MNT: variants seen among roughly 807,000 people sequenced by gnomAD.
The protein encoded by MNT is MAX network transcriptional repressor.
In MNT, 13 loss-of-function variants were observed where a neutral mutation model predicts 40.7. The ratio of observed to expected loss-of-function variants is 0.32; its 90% CI spans 0.21 to 0.51. The LOEUF is 0.51. MNT is among the 20% of genes least tolerant of loss of function. MNT has a pLI of 0.98. For missense variants in MNT, 757 were observed against 792.0 expected (o/e 0.96, Z 0.53); for synonymous variants, 426 against 354.8 (o/e 1.20, Z -2.26).
In MNT at chr17:2,387,023, C is replaced by T. The variant is rs1027916412; in HGVS notation, c.1627G>A (p.Ala543Thr). 3 of 1,548,468 alleles carry T rather than the reference C, an allele frequency of 1.9e-6. No homozygotes were observed. The highest frequency in any genetic ancestry group is 2.6e-6 in the Non-Finnish European group (3 of 1,145,460). The change falls in exon 6 of 6, where the codon GCA becomes ACA. Residue 543 changes from alanine to threonine, a missense_variant. Coordinates refer to ENST00000174618, the MANE Select transcript of MNT (RefSeq NM_020310.3). ...AGLGPPATVMAKPAVGAQVVH... is the reference protein window; with the variant it reads ...AGLGPPATVMTKPAVGAQVVH... ...ACCTGAGCCCCCACGGCCGGCTTTGCCATGACAGTAGCCGGGGGCCCCAGG... is the reference window on the plus strand; with the variant it reads ...ACCTGAGCCCCCACGGCCGGCTTTGTCATGACAGTAGCCGGGGGCCCCAGG...
At chr17:2,398,645 A>C (rs906399280) in intron 1 of MNT, among the ~76,000 whole-genome samples, 41 of 152,238 alleles carry the variant, frequency 2.7e-4, no homozygotes, top group Non-Finnish European at 5.0e-4. Flanking sequence ...ACCGGCACAC[A>C]GAAGTCGTGA....
In MNT at chr17:2,387,503, G is replaced by C; in HGVS notation, c.1147C>G (p.His383Asp). The C allele has an allele frequency of 6.2e-7, 1 of 1,613,044 alleles. No individual in the cohort carries two copies. Among genetic ancestry groups the C allele is most frequent in the East Asian group, 2.2e-5 (1 of 44,846 alleles). The change falls in exon 6 of 6, where the codon CAC (histidine) becomes GAC (aspartate). Residue 383 changes from histidine (H) to aspartate (D), a missense_variant. Coordinates refer to ENST00000174618, the MANE Select transcript of MNT (RefSeq NM_020310.3). ...AGGGCCACGGAGTGGGGGTGAGGGT[G>C]TGGGTGTGGAGGCAGAGGCGCAGGG... The part of the protein sequence containing the change: ...TTPAPLPPHP[H>D]PHPHSVALPP...
chr17:2,394,985 T>G lies in MNT; in HGVS notation c.543A>C (p.Gly181=). 3 of 1,606,670 alleles carry G rather than the reference T, an allele frequency of 1.9e-6. No homozygotes were observed. The highest frequency in any genetic ancestry group is 2.5e-6 in the Non-Finnish European group (3 of 1,176,928). ...GCTGGGGGGCCAGCTGAGGCTGGACTCCAGGGTGTGGCGCTATGGTCAGGA... is the reference window on the plus strand; with the variant it reads ...GCTGGGGGGCCAGCTGAGGCTGGACGCCAGGGTGTGGCGCTATGGTCAGGA... ...TPVLTIAPHP[G]VQPQLAPQQP... is the part of the protein sequence containing the mutation. The change falls in exon 2 of 6, where the codon GGA becomes GGC. Residue 181 remains glycine, a synonymous_variant. Transcript: ENST00000174618.
chr17:2,388,335 T>C, intron 4 of MNT: 1 of 402,322 alleles, frequency 2.5e-6, no homozygotes, highest in African/African-American at 2.1e-5. Context: ...CCTCAGGGGC[T>C]TCTCCGCCTC....
intron 4 of MNT, among the ~76,000 whole-genome samples, chr17:2,393,140 C>CT (rs2066537801): frequency 1.3e-5 from 1 of 79,308 alleles, no homozygotes; most frequent in African/African-American, 1.5e-4. Context: ...TCGCCGCCCA[C>CT]CCCCCCCCCA....
At chr17:2,397,386 A>G (rs2066585340) in intron 1 of MNT, among the ~76,000 whole-genome samples, 1 of 152,032 alleles carries the variant, frequency 6.6e-6, no homozygotes, top group African/African-American at 2.4e-5. Context: ...GGCCTAACAC[A>G]GACCCTGCCT....
chr17:2,390,125 G>A (rs1470663873), intron 4 of MNT: 2 of 152,272 alleles, frequency 1.3e-5, no homozygotes, highest in Non-Finnish European at 2.9e-5. Flanking sequence ...ATGAAAGTGA[G>A]AATGGCTGCA....
Position 2,400,695 on chromosome 17 carries a change from T to G in MNT, c.18A>C (p.Leu6=), listed in dbSNP as rs1412012607. 1 of 1,586,950 alleles carries G rather than the reference T, an allele frequency of 6.3e-7. No individual in the cohort carries two copies. Among genetic ancestry groups the G allele is most frequent in the Admixed American group, 1.7e-5 (1 of 57,308 alleles). MSIET[L]LEAARFLEWQ... ...ATTCCAGGAAGCGGGCCGCCTCCAG[T>G]AGCGTCTCTATGCTCATCGCGCCGA... The change falls in exon 1 of 6, where the codon CTA becomes CTC. Residue 6 remains leucine, a synonymous_variant. Coordinates refer to ENST00000174618, the MANE Select transcript of MNT (RefSeq NM_020310.3).
At chr17:2,399,790 G>C (rs2066602304) in intron 1 of MNT, among the ~76,000 whole-genome samples, 1 of 152,236 alleles carries the variant, frequency 6.6e-6, no homozygotes, top group Admixed American at 6.5e-5. Context: ...GGCTCGGAAC[G>C]CAGGCACACG....
Position 2,384,920 on chromosome 17 carries a change from T to G in MNT, c.*1981A>C, listed in dbSNP as rs989854032. On this transcript the variant is annotated 3_prime_UTR_variant, in exon 6 of 6. Coordinates refer to ENST00000174618, the MANE Select transcript of MNT (RefSeq NM_020310.3). ...GTATCTGTGCAGGCCCGGGGGCCAC[T>G]GGCCTCAGGATGCAGGGAGAGGTGG... 1.3e-5 allele frequency: 2 copies of G among 152,486 alleles called. No homozygotes were observed. Among genetic ancestry groups the G allele is most frequent in the African/African-American group, 4.8e-5 (2 of 41,400 alleles). The allele number at this position is 152,486 out of a possible 1,614,324, so 9.4% of individuals were successfully genotyped here.
intron 4 of MNT, chr17:2,392,082 C>T (rs1473272191): frequency 6.6e-6 from 1 of 152,276 alleles, no homozygotes; most frequent in Non-Finnish European, 1.5e-5. Flanking sequence ...GAACAGCTAT[C>T]CTCCCTCCCC....
intron 1 of MNT, among the ~76,000 whole-genome samples, chr17:2,399,623 C>T (rs1186944422): frequency 1.3e-5 from 2 of 152,066 alleles, no homozygotes; most frequent in Non-Finnish European, 2.9e-5. Context: ...AGGCCCAACC[C>T]AGCGCAAGGC....
chr17:2,387,527 GGGT>G lies in MNT; in HGVS notation c.1120_1122del (p.Thr374del). ...TGTGGGTGTGGAGGCAGAGGCGCAG[GGGT>G]GGTGCTGGGGGGTGGCAGGGTGGAC... On this transcript the variant is annotated inframe_deletion, in exon 6 of 6. Coordinates refer to ENST00000174618, the MANE Select transcript of MNT (RefSeq NM_020310.3). The G allele has an allele frequency of 6.2e-7, 1 of 1,613,600 alleles. No individual in the cohort carries two copies. Among genetic ancestry groups the G allele is most frequent in the Non-Finnish European group, 8.5e-7 (1 of 1,179,874 alleles).
At chr17:2,400,569 C>G (rs2066607961) in intron 1 of MNT, 71 bp downstream of exon 1, 10 of 1,450,532 alleles carry the variant, frequency 6.9e-6, no homozygotes, top group Middle Eastern at 1.8e-4. Context: ...CGCGGTTTCG[C>G]GTGGGTTCGG....
Position 2,387,123 on chromosome 17 carries a change from G to A in MNT, c.1527C>T (p.Pro509=), listed in dbSNP as rs781580432. Residue 509 remains proline (P), a synonymous_variant, in exon 6 of 6, where the codon CCC becomes CCT. Coordinates refer to ENST00000174618, the MANE Select transcript of MNT (RefSeq NM_020310.3). ...NHVAHLGSQL[P]LYPQPVAVSH... is the part of the protein sequence containing the mutation. ...TCACTGCCACGGGCTGCGGGTACAA[G>A]GGCAGCTGGGAGCCCAGGTGGGCCA... is the stretch of plus-strand genomic sequence containing the variant. The A allele has an allele frequency of 1.3e-6, 2 of 1,590,850 alleles. No homozygotes were observed. The highest frequency in any genetic ancestry group is 4.5e-5 in the East Asian group (2 of 43,986).
rs2066610100 is a variant in MNT at position 2,400,811 on chromosome 17, C to A, written c.-99G>T. Reference sequence around the variant, plus strand: ...GGCAGGCAGGAGGGAGGGATCACCTCCGGGGGGCGACAGGGCTGGGCGGCG... The same window carrying A: ...GGCAGGCAGGAGGGAGGGATCACCTACGGGGGGCGACAGGGCTGGGCGGCG... On this transcript the variant is annotated 5_prime_UTR_variant, in exon 1 of 6. Coordinates refer to ENST00000174618, the MANE Select transcript of MNT (RefSeq NM_020310.3). 9 of 993,170 alleles carry A rather than the reference C, an allele frequency of 9.1e-6. No homozygotes were observed. The highest frequency in any genetic ancestry group is 7.4e-5 in the South Asian group (4 of 54,132). The allele number at this position is 993,170 out of a possible 1,614,324, so 61.5% of individuals were successfully genotyped here.
chr17:2,387,801 G>C, intron 5 of MNT, 56 bp downstream of exon 5: 1 of 1,556,028 alleles, frequency 6.4e-7, no homozygotes, highest in Non-Finnish European at 8.7e-7. Flanking sequence ...AGGGAGGCTG[G>C]AATTTGAGGT....
At chr17:2,393,861 G>T (rs1227633996) in intron 4 of MNT, 182 bp downstream of exon 4, 1 of 317,940 alleles carries the variant, frequency 3.1e-6, no homozygotes, top group African/African-American at 2.2e-5. Flanking sequence ...GCGCACGCGC[G>T]CCCTCCCGGG....
chr17:2,384,589 TGTGCGTGC>T lies in MNT; in HGVS notation c.*2304_*2311del, dbSNP rs755025623. ...ACGCATGAGAGGTAAGATGTGTGCG[TGTGCGTGC>T]GTGTGTGTGTGTGTGTGTGTGTGTG... On this transcript the variant is annotated 3_prime_UTR_variant, in exon 6 of 6. Transcript: ENST00000174618. 7.6e-6 allele frequency: 1 copy of T among 132,222 alleles called. No individual in the cohort carries two copies. Among genetic ancestry groups the T allele is most frequent in the African/African-American group, 2.8e-5 (1 of 35,498 alleles). 8.2% of individuals were successfully genotyped at this position (132,222 alleles called of 1,614,324 possible).
Sources: allele counts gnomAD v4.1 joint callset (sites outside exome capture counted in the v4.1 genomes callset), GRCh38; gene constraint gnomAD v4.1.1; transcripts MANE v1.5; gene names NCBI Gene and HGNC (gene_info 2026-07-23, HGNC 2026-07-21).